Variants in PMEPA1 observed in about 807,000 individuals in gnomAD.
PMEPA1 encodes prostate transmembrane protein, androgen induced 1.
In PMEPA1, 11 loss-of-function variants were observed where a neutral mutation model predicts 23.0. That is an observed-to-expected ratio of 0.48 (90% CI 0.30 to 0.79). The LOEUF is 0.79. Among genes scored for constraint, PMEPA1 ranks in the 30% least tolerant of loss-of-function variants. PMEPA1 has a pLI of 0.06. For synonymous variants in PMEPA1, 204 were observed against 166.4 expected, an observed-to-expected ratio of 1.23 and a Z score of -1.74; for missense variants, 377 against 390.9, an observed-to-expected ratio of 0.96 and a Z score of 0.30.
At chr20:57,707,709 C>T (rs2072108534) in intron 1 of PMEPA1, among the ~76,000 whole-genome samples, 1 of 151,040 alleles carries the variant, frequency 6.6e-6, no homozygotes, top group Non-Finnish European at 1.5e-5. Flanking sequence ...ATGCACTGTG[C>T]CCAGCCCTTG....
Position 57,651,846 on chromosome 20 carries a change from T to G in PMEPA1, c.*207A>C. On this transcript the variant is annotated 3_prime_UTR_variant, in exon 4 of 4. Transcript: ENST00000341744. ...AACAAAGAAACGTGGTTTTTTTTTTTCTTTTTTCTTTTTTTTTTTGCAAGC... is the reference window on the plus strand; with the variant it reads ...AACAAAGAAACGTGGTTTTTTTTTTGCTTTTTTCTTTTTTTTTTTGCAAGC... 2.7e-6 allele frequency: 1 copy of G among 374,288 alleles called. No homozygotes were observed. Among genetic ancestry groups the G allele is most frequent in the Non-Finnish European group, 4.6e-6 (1 of 218,026 alleles). The allele number at this position is 374,288 out of a possible 1,614,324, so 23.2% of individuals were successfully genotyped here.
chr20:57,705,366 G>A (rs1282026618), intron 1 of PMEPA1, among the ~76,000 whole-genome samples: 1 of 152,122 alleles, frequency 6.6e-6, no homozygotes, highest in Non-Finnish European at 1.5e-5. Context: ...CTCCCCTATT[G>A]CACCACAACC....
chr20:57,701,096 G>A (rs1480496520), intron 1 of PMEPA1, among the ~76,000 whole-genome samples: 1 of 151,664 alleles, frequency 6.6e-6, no homozygotes, highest in Non-Finnish European at 1.5e-5. Flanking sequence ...TCAGACTATA[G>A]TTCGAATCTT....
chr20:57,683,797 G>A lies in PMEPA1; in HGVS notation c.110-24100C>T, dbSNP rs1042945326. Among the ~76,000 whole-genome samples the A allele has an allele frequency of 6.6e-6, 1 of 151,712 alleles. No homozygotes were observed. Among genetic ancestry groups the A allele is most frequent in the African/African-American group, 2.4e-5 (1 of 41,268 alleles). ...GGACTAGAGCCCAGCAGCTCTCAGA[G>A]TTCTTGGAGTTCTCGGCCTCCGAAG... On this transcript the variant is annotated intron_variant, in intron 1 of 3. Transcript: ENST00000341744. This position sits in a 1 kb window ranked among gnomAD's most constrained non-coding sequence, Gnocchi z 4.3.
In PMEPA1 at chr20:57,655,863, G is replaced by A. The variant is rs895211227; in HGVS notation, c.265-2777C>T. 1.3e-5 allele frequency among the ~76,000 whole-genome samples: 2 copies of A among 152,286 alleles called. No individual in the cohort carries two copies. The highest frequency in any genetic ancestry group is 2.4e-5 in the African/African-American group (1 of 41,572). ...AATATTTTCTGGTTTGTGGGCCGGC[G>A]GGTCTCTGTCATACCACTGAACCCT... On this transcript the variant is annotated intron_variant, in intron 2 of 3. Transcript: ENST00000341744. The surrounding 1 kb of genome is among the most constrained non-coding windows in gnomAD (Gnocchi z 4.2).
At chr20:57,703,731 T>C (rs1165666755) in intron 1 of PMEPA1, among the ~76,000 whole-genome samples, 2 of 152,180 alleles carry the variant, frequency 1.3e-5, no homozygotes, top group Non-Finnish European at 2.9e-5. Flanking sequence ...GGGCAACCTT[T>C]TTCTGGTGAA....
chr20:57,662,556 C>T (rs2071436406), intron 1 of PMEPA1, among the ~76,000 whole-genome samples: 2 of 152,200 alleles, frequency 1.3e-5, no homozygotes, highest in East Asian at 1.9e-4. Flanking sequence ...AGACCCAGGT[C>T]GCTGTGGCCA....
chr20:57,699,558 T>G (rs2071984309), intron 1 of PMEPA1, among the ~76,000 whole-genome samples: 1 of 152,186 alleles, frequency 6.6e-6, no homozygotes, highest in Non-Finnish European at 1.5e-5. Flanking sequence ...GTGCCAGGAC[T>G]GCCCCACAGG....
At chr20:57,710,022 GC>G, upstream of PMEPA1, 2 of 995,452 alleles carry the variant, frequency 2.0e-6, no homozygotes, top group Non-Finnish European at 2.4e-6. Context: ...TGACGTCAGC[GC>G]TAGACGGGGC....
intron 1 of PMEPA1, among the ~76,000 whole-genome samples, chr20:57,701,007 G>A (rs563772684): frequency 9.6e-4 from 145 of 151,674 alleles, no homozygotes; most frequent in Non-Finnish European, 1.9e-3. Flanking sequence ...TCCAGCCTGG[G>A]TGACAGAGCA....
intron 1 of PMEPA1, among the ~76,000 whole-genome samples, chr20:57,664,501 G>A (rs1451889317): frequency 6.6e-6 from 1 of 152,192 alleles, no homozygotes; most frequent in East Asian, 1.9e-4. Flanking sequence ...ATGTGTGTAT[G>A]AAGCGGCACC....
chr20:57,673,377 T>G (rs1221840112), intron 1 of PMEPA1, among the ~76,000 whole-genome samples: 2 of 152,318 alleles, frequency 1.3e-5, no homozygotes, highest in East Asian at 3.9e-4. Context: ...CCAAGACATC[T>G]GCTATGACTT....
At position 57,704,427 on chromosome 20, in the gene PMEPA1, C is replaced by T. The variant is rs1340076389; in HGVS notation, c.109+5047G>A. On this transcript the variant is annotated intron_variant, in intron 1 of 3. Transcript: ENST00000341744. This position sits in a 1 kb window ranked among gnomAD's most constrained non-coding sequence, Gnocchi z 4.6. ...CGCACAGCTCCCGCACGTGCCCCAA[C>T]CATGCGTGCGTTACGCAACACTTTG... is the stretch of plus-strand genomic sequence containing the variant. 6.6e-6 allele frequency among the ~76,000 whole-genome samples: 1 copy of T among 152,170 alleles called. No individual in the cohort carries two copies. Among genetic ancestry groups the T allele is most frequent in the Non-Finnish European group, 1.5e-5 (1 of 68,024 alleles).
intron 1 of PMEPA1, among the ~76,000 whole-genome samples, chr20:57,697,343 AAGGATGG>A (rs762027827): frequency 1.3e-5 from 2 of 152,226 alleles, no homozygotes; most frequent in Non-Finnish European, 2.9e-5. Context: ...TGAGTGCAGC[AAGGATGG>A]AGGGTGCAAT....
chr20:57,699,103 T>C (rs763071058), intron 1 of PMEPA1, among the ~76,000 whole-genome samples: 2 of 152,190 alleles, frequency 1.3e-5, no homozygotes, highest in Non-Finnish European at 2.9e-5. Context: ...CTGGAATGCA[T>C]CACCCCACAG....
rs1011413392 is a variant in PMEPA1 at position 57,659,447 on chromosome 20, T to A, written c.264+96A>T. On this transcript the variant is annotated intron_variant, in intron 2 of 3. Transcript: ENST00000341744. ...CCTGTCTTCCTGCCCTGAATCTGTT[T>A]CCTGCAAACGCTGCCATTGGATCCC... 21 of 1,337,962 alleles carry A rather than the reference T, an allele frequency of 1.6e-5. No homozygotes were observed. In the East Asian group the frequency reaches 5.0e-4, roughly 32 times the overall value. 82.9% of individuals were successfully genotyped at this position (1,337,962 alleles called of 1,614,324 possible).
intron 1 of PMEPA1, among the ~76,000 whole-genome samples, chr20:57,672,408 C>T (rs1186670236): frequency 6.6e-6 from 1 of 152,258 alleles, no homozygotes; most frequent in Non-Finnish European, 1.5e-5. Context: ...ACCGGGGCTC[C>T]GTTTCCAAGG....
Position 57,655,682 on chromosome 20 carries a change from T to G in PMEPA1, c.265-2596A>C, listed in dbSNP as rs6064580. ...CTACAGCCACTGCTGACGAGCCCCCTGCTCCCAGCAGCCTCCAACCACTCC... is the reference window on the plus strand; with the variant it reads ...CTACAGCCACTGCTGACGAGCCCCCGGCTCCCAGCAGCCTCCAACCACTCC... On this transcript the variant is annotated intron_variant, in intron 2 of 3. Coordinates refer to ENST00000341744, the MANE Select transcript of PMEPA1 (RefSeq NM_020182.5). This position sits in a 1 kb window ranked among gnomAD's most constrained non-coding sequence, Gnocchi z 4.2. 9.2e-5 allele frequency among the ~76,000 whole-genome samples: 14 copies of G among 152,088 alleles called. No homozygotes were observed. The highest frequency in any genetic ancestry group is 3.1e-4 in the African/African-American group (13 of 41,358).
chr20:57,700,269 C>CA, intron 1 of PMEPA1: 1 of 404,718 alleles, frequency 2.5e-6, no homozygotes, highest in South Asian at 1.8e-5. Context: ...TTCGGGGGAA[C>CA]AGGGAAACTG....
Sources: gnomAD v4.1 joint callset for allele counts (sites outside exome capture counted in the v4.1 genomes callset) on GRCh38, gnomAD v4.1.1 for gene constraint, Gnocchi (gnomAD v3.1) non-coding constraint, MANE v1.5 for transcripts, NCBI Gene and HGNC (gene_info 2026-07-23, HGNC 2026-07-21) for gene names.